Variants in PDE1A observed in about 807,000 individuals in gnomAD.
The protein encoded by PDE1A is phosphodiesterase 1A.
In PDE1A, 35 loss-of-function variants were observed where a neutral mutation model predicts 61.7. That is an observed-to-expected ratio of 0.57 (90% CI 0.43 to 0.75). The LOEUF (loss-of-function observed/expected upper bound fraction) is 0.75, where lower values mean the gene tolerates loss of function less well. Among genes scored for constraint, PDE1A ranks in the 30% least tolerant of loss-of-function variants. The pLI, the probability that PDE1A is intolerant of heterozygous loss-of-function variation, is 0.00. For synonymous variants in PDE1A, 232 were observed against 213.2 expected, an observed-to-expected ratio of 1.09 and a Z score of -0.77; for missense variants, 597 against 630.6, an observed-to-expected ratio of 0.95 and a Z score of 0.57.
At chr2:182,247,190 A>G (rs1691037613) in intron 2 of PDE1A, among the ~76,000 whole-genome samples, 1 of 149,708 alleles carries the variant, frequency 6.7e-6, no homozygotes, top group South Asian at 2.1e-4. Context: ...GGAAACATAT[A>G]TATTTGGTGT....
the PDE1A span, among the ~76,000 whole-genome samples, chr2:182,562,417 G>C: frequency 6.7e-6 from 1 of 149,638 alleles, no homozygotes; most frequent in Non-Finnish European, 1.5e-5. Flanking sequence ...ACTTGATCAT[G>C]GTGGATAAGC....
At chr2:182,312,588 T>C (rs1170816118) in intron 1 of PDE1A, among the ~76,000 whole-genome samples, 1 of 152,194 alleles carries the variant, frequency 6.6e-6, no homozygotes, top group African/African-American at 2.4e-5. Context: ...ATTGCCTTTG[T>C]ACCTCTGTGT....
rs192074677 is a variant in PDE1A at position 182,301,430 on chromosome 2, G to A, written c.54-37016C>T. On this transcript the variant is annotated intron_variant, in intron 1 of 13. Transcript: ENST00000351439. Reference sequence around the variant, plus strand: ...TATAAGTGCCCTTTTATTATCTCTCGAAGTGACCCAGTTGGGTGATGTGTG... The same window carrying A: ...TATAAGTGCCCTTTTATTATCTCTCAAAGTGACCCAGTTGGGTGATGTGTG... Among the ~76,000 whole-genome samples, 57 of 152,206 alleles carry A rather than the reference G, an allele frequency of 3.7e-4. No homozygotes were observed. In the East Asian group the frequency reaches 4.6e-3, roughly 12 times the overall value.
chr2:182,574,525 C>A, the PDE1A span, among the ~76,000 whole-genome samples: 1 of 152,178 alleles, frequency 6.6e-6, no homozygotes, highest in South Asian at 2.1e-4. Context: ...AACCCAAATA[C>A]TATTACATAA....
upstream of PDE1A, chr2:182,427,149 T>C (rs796947280): frequency 2.7e-5 from 7 of 263,808 alleles, no homozygotes; most frequent in South Asian, 2.9e-4. Context: ...CTCTGAAAGT[T>C]TGTTCTCTTA....
intron 1 of PDE1A, among the ~76,000 whole-genome samples, chr2:182,358,924 T>C (rs1264263731): frequency 6.6e-6 from 1 of 152,048 alleles, no homozygotes; most frequent in Non-Finnish European, 1.5e-5. Flanking sequence ...CTACACTGCT[T>C]GTCCTTTCAT....
At chr2:182,666,548 C>CA in the PDE1A span, among the ~76,000 whole-genome samples, 1 of 150,832 alleles carries the variant, frequency 6.6e-6, no homozygotes, top group Non-Finnish European at 1.5e-5. Context: ...GCAGAGGTTG[C>CA]AGTGAGCTGA....
intron 2 of PDE1A, among the ~76,000 whole-genome samples, chr2:182,485,472 G>A (rs1279279998): frequency 6.6e-6 from 1 of 151,908 alleles, no homozygotes; most frequent in Non-Finnish European, 1.5e-5. Flanking sequence ...CGTGACACAA[G>A]TTTACCTATG....
At chr2:182,616,134 T>C in the PDE1A span, among the ~76,000 whole-genome samples, 1 of 152,246 alleles carries the variant, frequency 6.6e-6, no homozygotes, top group Non-Finnish European at 1.5e-5. Context: ...AGTTCATTTA[T>C]GGGTTAAGGT....
upstream of PDE1A, chr2:182,522,992 A>C (rs1306851930): frequency 2.6e-5 from 4 of 152,258 alleles, no homozygotes; most frequent in Admixed American, 6.6e-5. Flanking sequence ...AACAAATATT[A>C]ATGATAACAA....
intron 1 of PDE1A, among the ~76,000 whole-genome samples, chr2:182,324,893 G>A (rs958706394): frequency 3.3e-5 from 5 of 152,134 alleles, no homozygotes; most frequent in Non-Finnish European, 7.4e-5. Context: ...TGTTTATTAC[G>A]TGCCAGTTGC....
chr2:182,606,625 A>G, the PDE1A span, among the ~76,000 whole-genome samples: 17,351 of 152,214 alleles, frequency 0.11, 1,184 homozygotes, highest in African/African-American at 0.18. Flanking sequence ...ATAGAAAAAG[A>G]AGACAGGAAA....
intron 2 of PDE1A, among the ~76,000 whole-genome samples, chr2:182,241,322 A>G (rs1690491326): frequency 6.6e-6 from 1 of 152,270 alleles, no homozygotes; most frequent in East Asian, 1.9e-4. Flanking sequence ...CCAATCTAAA[A>G]ACTCTGGCAC....
At chr2:182,605,628 T>C in the PDE1A span, among the ~76,000 whole-genome samples, 1 of 152,186 alleles carries the variant, frequency 6.6e-6, no homozygotes, top group African/African-American at 2.4e-5. Context: ...GATGGCTACA[T>C]AACCACACCA....
At chr2:182,697,269 A>T in the PDE1A span, among the ~76,000 whole-genome samples, 1 of 152,224 alleles carries the variant, frequency 6.6e-6, no homozygotes, top group Non-Finnish European at 1.5e-5. Context: ...CACACACCAA[A>T]GTTTGCATGT....
chr2:182,242,997 G>A (rs1690674611), intron 2 of PDE1A, among the ~76,000 whole-genome samples: 1 of 149,876 alleles, frequency 6.7e-6, no homozygotes, highest in African/African-American at 2.5e-5. Context: ...CATCATTTAT[G>A]AATGCTGCGT....
chr2:182,559,514 T>G, the PDE1A span, among the ~76,000 whole-genome samples: 132 of 152,290 alleles, frequency 8.7e-4, no homozygotes, highest in African/African-American at 3.0e-3. Flanking sequence ...ACCAGAATTC[T>G]CTGACATTGC....
intron 2 of PDE1A, among the ~76,000 whole-genome samples, chr2:182,443,497 G>A (rs1190256320): frequency 1.3e-5 from 2 of 151,796 alleles, no homozygotes; most frequent in Non-Finnish European, 2.9e-5. Flanking sequence ...TCGAGATAGT[G>A]AGTGTGTTCT....
At chr2:182,639,861 T>A in the PDE1A span, among the ~76,000 whole-genome samples, 1 of 149,046 alleles carries the variant, frequency 6.7e-6, no homozygotes, top group Non-Finnish European at 1.5e-5. Context: ...ATATAATTTA[T>A]ATAAATATAT....
Sources: allele counts gnomAD v4.1 joint callset (sites outside exome capture counted in the v4.1 genomes callset), GRCh38; gene constraint gnomAD v4.1.1; transcripts MANE v1.5; gene names NCBI Gene and HGNC (gene_info 2026-07-23, HGNC 2026-07-21).